Variants in TYR observed in about 807,000 individuals in gnomAD.
TYR encodes the protein tyrosinase.
A neutral mutation model predicts 51.5 loss-of-function variants in TYR; 58 were observed. The observed-to-expected ratio is 1.13, with a 90% CI of 0.91 to 1.40. The LOEUF is 1.40. Ranked by LOEUF, TYR falls within the 40% of genes most tolerant of loss-of-function variation. The probability of loss-of-function intolerance (pLI) is 0.00; values close to 1 mark genes in which losing one functional copy is unlikely to be tolerated. For synonymous variants in TYR, 263 were observed against 235.2 expected (o/e 1.12, Z -1.08); for missense variants, 732 against 647.4 (o/e 1.13, Z -1.42).
At chr11:89,192,160 A>C (rs10765197) in intron 2 of TYR, 92,691 of 201,506 alleles carry the variant, frequency 0.46, 24,937 homozygotes, top group African/African-American at 0.8. Flanking sequence ...CTAAATATTT[A>C]TCCTACAAAT....
At chr11:89,277,905 T>C (rs779260984) in intron 3 of TYR, among the ~76,000 whole-genome samples, 3 of 151,692 alleles carry the variant, frequency 2.0e-5, no homozygotes, top group Non-Finnish European at 4.4e-5. Context: ...TTACAAATGA[T>C]AATCTGTTCG....
chr11:89,179,135 C>A (rs1424601640), intron 1 of TYR, among the ~76,000 whole-genome samples: 1 of 152,044 alleles, frequency 6.6e-6, no homozygotes, highest in East Asian at 1.9e-4. Context: ...ATTAAAAAAA[C>A]AAATGATATA....
intron 3 of TYR, among the ~76,000 whole-genome samples, chr11:89,235,024 A>G (rs1266727268): frequency 6.6e-6 from 1 of 152,148 alleles, no homozygotes; most frequent in Non-Finnish European, 1.5e-5. Flanking sequence ...GCAAACCACA[A>G]TAAAATGATA....
chr11:89,291,130 T>C (rs1408865078), intron 4 of TYR, among the ~76,000 whole-genome samples: 2 of 150,858 alleles, frequency 1.3e-5, no homozygotes, highest in South Asian at 4.2e-4. Context: ...TTTCCACAGC[T>C]GCCATTCAGG....
At chr11:89,246,212 A>T (rs1183895303) in intron 3 of TYR, among the ~76,000 whole-genome samples, 1 of 152,110 alleles carries the variant, frequency 6.6e-6, no homozygotes, top group East Asian at 1.9e-4. Context: ...GGAATCCTGT[A>T]GTGGAAGGAT....
intron 2 of TYR, 118 bp from the exon 3 acceptor site, chr11:89,227,705 T>C: frequency 1.1e-6 from 1 of 891,280 alleles, no homozygotes; most frequent in South Asian, 1.6e-5. Flanking sequence ...TGAATTTTAT[T>C]TTTGATTTTA....
chr11:89,294,476 G>A (rs1944884100), intron 4 of TYR, among the ~76,000 whole-genome samples: 1 of 152,180 alleles, frequency 6.6e-6, no homozygotes, highest in Non-Finnish European at 1.5e-5. Context: ...CAGGGAGTGC[G>A]TCTCTGAGGA....
rs568263314 is a variant in TYR, at chr11:89,220,726, C to T, written c.1037-7097C>T. On this transcript the variant is annotated intron_variant, in intron 2 of 4. Coordinates refer to ENST00000263321, the MANE Select transcript of TYR (RefSeq NM_000372.5). Reference sequence around the variant, plus strand: ...CGGAGATCACACCACTGCACTCCAGCGCCTGGGCAACAAGAGCGAAACTCC... The same window carrying T: ...CGGAGATCACACCACTGCACTCCAGTGCCTGGGCAACAAGAGCGAAACTCC... Among the ~76,000 whole-genome samples, 24 of 152,022 alleles carry T rather than the reference C, an allele frequency of 1.6e-4. 1 individual carries two copies. In the South Asian group the frequency reaches 4.8e-3, roughly 30 times the overall value.
intron 1 of TYR, among the ~76,000 whole-genome samples, chr11:89,180,306 A>G (rs1318192859): frequency 1.3e-5 from 2 of 152,172 alleles, no homozygotes; most frequent in African/African-American, 2.4e-5. Flanking sequence ...ATGATGCTTT[A>G]TTTAACTATG....
intron 3 of TYR, among the ~76,000 whole-genome samples, chr11:89,274,189 C>T (rs1168028390): frequency 2.0e-5 from 3 of 151,918 alleles, no homozygotes; most frequent in East Asian, 2.0e-4. Context: ...ATCTGTGAGG[C>T]TAACCTTTAG....
intron 2 of TYR, among the ~76,000 whole-genome samples, chr11:89,213,058 C>T (rs1486253204): frequency 1.3e-5 from 2 of 152,138 alleles, no homozygotes; most frequent in Non-Finnish European, 1.5e-5. Context: ...CTCACCACTC[C>T]TATTCACATA....
intron 1 of TYR, among the ~76,000 whole-genome samples, chr11:89,187,621 T>G (rs978090787): frequency 1.3e-5 from 2 of 152,160 alleles, no homozygotes; most frequent in African/African-American, 4.8e-5. Flanking sequence ...TCATGTAGTC[T>G]ATATTCAAAT....
chr11:89,212,569 CCTT>C (rs147605806), intron 2 of TYR, among the ~76,000 whole-genome samples: 25,616 of 152,026 alleles, frequency 0.17, 2,564 homozygotes, highest in African/African-American at 0.29. Context: ...AACAGGGAAT[CCTT>C]CTTAATTCAT....
intron 2 of TYR, among the ~76,000 whole-genome samples, chr11:89,197,583 A>G (rs1943537059): frequency 1.3e-5 from 2 of 152,140 alleles, no homozygotes; most frequent in Admixed American, 6.6e-5. Flanking sequence ...TCCTACCTAT[A>G]CTTCAAAAGA....
intron 1 of TYR, among the ~76,000 whole-genome samples, chr11:89,188,544 GT>G (rs1296619395): frequency 1.3e-5 from 2 of 152,016 alleles, no homozygotes; most frequent in Admixed American, 1.3e-4. Context: ...GCCAATTGTT[GT>G]GGTGTAAATA....
intron 4 of TYR, among the ~76,000 whole-genome samples, chr11:89,289,249 G>A (rs1293565718): frequency 6.6e-6 from 1 of 152,026 alleles, no homozygotes; most frequent in African/African-American, 2.4e-5. Context: ...AAAATGAGAA[G>A]GGGAAACACT....
chr11:89,291,713 T>C (rs1042474824), intron 4 of TYR, among the ~76,000 whole-genome samples: 2 of 152,012 alleles, frequency 1.3e-5, no homozygotes, highest in Non-Finnish European at 2.9e-5. Context: ...ACAAAATGTT[T>C]ATGCCCCTAT....
At chr11:89,210,661 A>G (rs1427699095) in intron 2 of TYR, among the ~76,000 whole-genome samples, 2 of 152,178 alleles carry the variant, frequency 1.3e-5, no homozygotes, top group Non-Finnish European at 2.9e-5. Flanking sequence ...AAGACACATA[A>G]TTGTCAGATT....
intron 1 of TYR, among the ~76,000 whole-genome samples, chr11:89,186,421 CT>C (rs928245865): frequency 6.6e-6 from 1 of 152,100 alleles, no homozygotes; most frequent in African/African-American, 2.4e-5. Flanking sequence ...ACCTTTTGTT[CT>C]TTGTTTTCCT....
Sources: gnomAD v4.1 joint callset for allele counts (sites outside exome capture counted in the v4.1 genomes callset) on GRCh38, gnomAD v4.1.1 for gene constraint, MANE v1.5 for transcripts, NCBI Gene and HGNC (gene_info 2026-07-23, HGNC 2026-07-21) for gene names.